The following PKHD1L1 variants were observed in gnomAD, a reference collection of about 807,000 sequenced individuals.
The protein encoded by PKHD1L1 is fibrocystin-L.
Under a neutral mutation model 462.9 loss-of-function variants are expected in PKHD1L1, and 434 were observed. The observed-to-expected ratio is 0.94, with a 90% CI of 0.87 to 1.02. The LOEUF is 1.02. Ranked by LOEUF, PKHD1L1 falls within the 50% of genes least tolerant of loss-of-function variation. PKHD1L1 has a pLI of 0.00. For missense variants in PKHD1L1, 5,202 were observed against 5,096.1 expected, an observed-to-expected ratio of 1.02 and a Z score of -0.63; for synonymous variants, 1,781 against 1,750.0, an observed-to-expected ratio of 1.02 and a Z score of -0.44.
At chr8:109,505,957 G>T (rs1451683609) in intron 68 of PKHD1L1, among the ~76,000 whole-genome samples, 2 of 152,080 alleles carry the variant, frequency 1.3e-5, no homozygotes, top group East Asian at 1.9e-4. Flanking sequence ...TAAATTGTTT[G>T]ACTTCATCTG....
chr8:109,493,518 G>T (rs955775920), intron 62 of PKHD1L1, 143 bp from the exon 63 acceptor site: 5 of 460,696 alleles, frequency 1.1e-5, no homozygotes, highest in Non-Finnish European at 1.9e-5. Context: ...TTTGAATGGG[G>T]TAAATAATAA....
At position 109,453,651 on chromosome 8, in the gene PKHD1L1, C is replaced by T. The variant is rs186955577; in HGVS notation, c.6665-516C>T. On this transcript the variant is annotated intron_variant, in intron 43 of 77. Transcript: ENST00000378402. The stretch of plus-strand genomic sequence containing the variant: ...TGGACAAATAAAATTTTACTACTTA[C>T]AAATTTATAAATTTACACTAGTCTC... Among the ~76,000 whole-genome samples the T allele has an allele frequency of 1.1e-4, 17 of 152,216 alleles. No homozygotes were observed. In the East Asian group the frequency reaches 3.3e-3, roughly 29 times the overall value.
chr8:109,390,729 G>C (rs1020112591), intron 9 of PKHD1L1, among the ~76,000 whole-genome samples: 1 of 151,916 alleles, frequency 6.6e-6, no homozygotes, highest in Admixed American at 6.6e-5. Context: ...ATCTTTACTT[G>C]TGTTATGGAA....
rs749899524 is a variant in PKHD1L1, at chr8:109,445,397, T to G, written c.5528T>G (p.Ile1843Ser). The change falls in exon 38 of 78, where the codon ATT becomes AGT. Residue 1843 changes from isoleucine (I) to serine (S), a missense_variant. By Grantham distance (142) the Ile-to-Ser change is moderately radical. This residue lies in a region of PKHD1L1 where 4,497 missense variants were observed against 4,336.8 expected (regional missense o/e 1.04). Coordinates refer to ENST00000378402, the MANE Select transcript of PKHD1L1 (RefSeq NM_177531.6). ...TCTCTATCACCAACTTCTGGAAGCA[T>G]TGGTGGTGGAACTACACTGGTGATC... is the stretch of plus-strand genomic sequence containing the variant. ...VASLSPTSGSIGGGTTLVITG... is the reference protein window; with the variant it reads ...VASLSPTSGSSGGGTTLVITG... The G allele has an allele frequency of 6.2e-7, 1 of 1,613,910 alleles. No homozygotes were observed. The highest frequency in any genetic ancestry group is 8.5e-7 in the Non-Finnish European group (1 of 1,179,876).
chr8:109,435,131 T>G (rs768633723), intron 28 of PKHD1L1, 59 bp from the exon 29 acceptor site: 650 of 1,572,368 alleles, frequency 4.1e-4, no homozygotes, highest in Non-Finnish European at 5.4e-4. Flanking sequence ...AAGCATAACT[T>G]TTATCTCATA....
Position 109,435,259 on chromosome 8 carries a change from AT to A in PKHD1L1, c.3411del (p.Asp1137GlufsTer4). On this transcript the variant is annotated frameshift_variant, in exon 29 of 78. Transcript: ENST00000378402. LOFTEE classifies it high-confidence loss of function. ...GCCCCCGTTGCTGTGTCCATGGCTG[AT>A]GTTGGACTAGCACAGAATGTAGGGG... is the stretch of plus-strand genomic sequence containing the variant. Reference protein sequence around the residue: ...GHAPVAVSMADVGLAQNVGGE... With the variant: ...GHAPVAVSMAXVGLAQNVGGE... 1 of 1,613,886 alleles carries A rather than the reference AT, an allele frequency of 6.2e-7. No individual in the cohort carries two copies. The highest frequency in any genetic ancestry group is 8.5e-7 in the Non-Finnish European group (1 of 1,179,824).
At chr8:109,485,558 T>A (rs942754487) in intron 58 of PKHD1L1, among the ~76,000 whole-genome samples, 1 of 151,934 alleles carries the variant, frequency 6.6e-6, no homozygotes, top group African/African-American at 2.4e-5. Flanking sequence ...AGACAAGTAA[T>A]AATGGAAGGA....
chr8:109,425,098 A>C lies in PKHD1L1; in HGVS notation c.2711A>C (p.Glu904Ala), dbSNP rs1255656205. The C allele has an allele frequency of 6.3e-7, 1 of 1,585,176 alleles. No homozygotes were observed. The highest frequency in any genetic ancestry group is 8.6e-7 in the Non-Finnish European group (1 of 1,169,466). ...AVSFGQIITH[E>A]TENEFVYRGN... ...TTTGGAAATTAGATAATCACACATG[A>C]GACAGAGAACGAGTTTGTCTACAGA... is the stretch of plus-strand genomic sequence containing the variant. The change falls in exon 24 of 78, where the codon GAG becomes GCG. Residue 904 changes from glutamate (E) to alanine (A), a missense_variant. This residue lies in a region of PKHD1L1 where 4,497 missense variants were observed against 4,336.8 expected (regional missense o/e 1.04). Transcript: ENST00000378402.
intron 23 of PKHD1L1, among the ~76,000 whole-genome samples, chr8:109,423,832 G>A (rs1474420573): frequency 2.0e-5 from 3 of 151,916 alleles, no homozygotes; most frequent in African/African-American, 7.3e-5. Flanking sequence ...TACATTTATC[G>A]GCATTTTGCA....
At chr8:109,460,766 A>G (rs1298412608) in intron 47 of PKHD1L1, among the ~76,000 whole-genome samples, 2 of 152,190 alleles carry the variant, frequency 1.3e-5, no homozygotes, top group East Asian at 3.8e-4. Flanking sequence ...TCTATTTCCC[A>G]TTCATGCTAC....
chr8:109,530,080 GA>G lies in PKHD1L1; in HGVS notation c.12724del (p.Ser4242AlafsTer11). On this transcript the variant is annotated frameshift_variant and splice_region_variant, in exon 78 of 78. Coordinates refer to ENST00000378402, the MANE Select transcript of PKHD1L1 (RefSeq NM_177531.6). LOFTEE classifies it high-confidence loss of function. The stretch of plus-strand genomic sequence containing the variant: ...GTTTTGTATTGTTTCCATTTTTCAG[GA>G]AGCTACTAAAGTGCTGTTCCGAAGA... ...AAVSTLNITL[R>X]SY 7.4e-7 allele frequency: 1 copy of G among 1,355,760 alleles called. No individual in the cohort carries two copies. The highest frequency in any genetic ancestry group is 9.7e-7 in the Non-Finnish European group (1 of 1,031,792). The allele number at this position is 1,355,760 out of a possible 1,614,324, so 84.0% of individuals were successfully genotyped here.
rs368718500 is a variant in PKHD1L1 at position 109,481,406 on chromosome 8, T to G, written c.9328-27T>G. On this transcript the variant is annotated intron_variant, in intron 55 of 77. Transcript: ENST00000378402. ...TTTTTTTTCCTGGTCAATTTTTAAG[T>G]ATTAACAATTTTCTGCTTCATTTCA... The G allele has an allele frequency of 8.4e-6, 13 of 1,549,266 alleles. No individual in the cohort carries two copies. In the African/African-American group the frequency reaches 1.2e-4, roughly 15 times the overall value.
chr8:109,374,835 C>G (rs1299434481), intron 2 of PKHD1L1, among the ~76,000 whole-genome samples: 8 of 152,224 alleles, frequency 5.3e-5, no homozygotes, highest in African/African-American at 1.9e-4. Context: ...GGCCCCCACT[C>G]TCTTCTGGCT....
chr8:109,481,378 G>A (rs1035023141), intron 55 of PKHD1L1, 55 bp from the exon 56 acceptor site: 80 of 1,475,430 alleles, frequency 5.4e-5, no homozygotes, highest in Non-Finnish European at 6.8e-5. Flanking sequence ...TTTTATGGGT[G>A]GATTTTTTTT....
intron 10 of PKHD1L1, 144 bp from the exon 11 acceptor site, chr8:109,395,883 T>C: frequency 6.9e-6 from 4 of 580,238 alleles, no homozygotes; most frequent in South Asian, 2.2e-5. Flanking sequence ...TCAGAGAAAG[T>C]AATGAAACAC....
chr8:109,415,221 T>G (rs1315527337), intron 21 of PKHD1L1, among the ~76,000 whole-genome samples: 1 of 151,816 alleles, frequency 6.6e-6, no homozygotes, highest in Admixed American at 6.6e-5. Flanking sequence ...CAGCTGGTCT[T>G]GAACTCCTAG....
intron 73 of PKHD1L1, among the ~76,000 whole-genome samples, chr8:109,520,431 A>G (rs185180115): frequency 5.9e-5 from 9 of 152,266 alleles, no homozygotes; most frequent in Admixed American, 5.9e-4. Context: ...CATGTGACAT[A>G]TATTTCCCCA....
chr8:109,421,865 T>C (rs1007438003), intron 23 of PKHD1L1, among the ~76,000 whole-genome samples: 6 of 152,206 alleles, frequency 3.9e-5, no homozygotes, highest in Non-Finnish European at 7.3e-5. Context: ...TTTTCAAGAT[T>C]CCTCAATAAA....
Position 109,465,180 on chromosome 8 carries a change from C to T in PKHD1L1, c.8348C>T (p.Pro2783Leu), listed in dbSNP as rs769110948. 30 of 1,613,542 alleles carry T rather than the reference C, an allele frequency of 1.9e-5. No individual in the cohort carries two copies. The highest frequency in any genetic ancestry group is 1.6e-4 in the Middle Eastern group (1 of 6,078). The change falls in exon 49 of 78, where the codon CCG becomes CTG. Residue 2783 changes from proline (P) to leucine (L), a missense_variant. Around this residue, in one of 3 missense-constraint regions of PKHD1L1, gnomAD observed 4,497 missense variants for 4,336.8 expected, o/e 1.04. Transcript: ENST00000378402. ...GTTGACGTCCAGTATTCTCACACAC[C>T]GAACAAGGCTGGCTTTCGCTGGGAA... is the stretch of plus-strand genomic sequence containing the variant. ...KFVDVQYSHT[P>L]NKAGFRWEHE...
Sources: allele counts gnomAD v4.1 joint callset (sites outside exome capture counted in the v4.1 genomes callset), GRCh38; gene constraint gnomAD v4.1.1; regional missense constraint gnomAD v4.1.1; transcripts MANE v1.5; gene names NCBI Gene and HGNC (gene_info 2026-07-23, HGNC 2026-07-21).